The following CADM1 variants were observed in gnomAD, a reference collection of about 807,000 sequenced individuals.
CADM1 encodes TSLC-1.
CADM1 carries 15 observed loss-of-function variants against 53.1 expected under a neutral mutation model. The ratio of observed to expected loss-of-function variants is 0.28; its 90% confidence interval spans 0.19 to 0.44. CADM1 has a LOEUF of 0.44. Ranked by LOEUF, CADM1 falls within the 20% of genes least tolerant of loss-of-function variation. The pLI is 1.00. For missense variants in CADM1, 434 were observed against 611.3 expected, an observed-to-expected ratio of 0.71 and a Z score of 3.06; for synonymous variants, 281 against 243.0, an observed-to-expected ratio of 1.16 and a Z score of -1.45.
chr11:115,435,802 T>C (rs543402802), intron 1 of CADM1, among the ~76,000 whole-genome samples: 60 of 152,342 alleles, frequency 3.9e-4, no homozygotes, highest in African/African-American at 1.3e-3. Flanking sequence ...ATGGCTGTTT[T>C]TGCATTACAA....
rs1565349237 is a variant in CADM1, at chr11:115,295,530, A to AT, written c.125-55111dup. On this transcript the variant is annotated intron_variant, in intron 1 of 11. Transcript: ENST00000331581. ...TTTATATATATATATATATATATAT[A>AT]TATATATATATATATATATAATATA... 2.4e-3 allele frequency among the ~76,000 whole-genome samples: 217 copies of AT among 88,762 alleles called. 9 individuals are homozygous for AT. Among genetic ancestry groups the AT allele is most frequent in the Non-Finnish European group, 1.2e-3 (64 of 51,504 alleles). The allele number at this position is 88,762 out of a possible 152,430, so 58.2% of individuals were successfully genotyped here.
At chr11:115,308,211 T>TATATATATATATATATATATATAC (rs139012671) in intron 1 of CADM1, among the ~76,000 whole-genome samples, 7 of 139,416 alleles carry the variant, frequency 5.0e-5, no homozygotes, top group Admixed American at 1.4e-4. Flanking sequence ...TATATATATA[T>TATATATATATATATATATATATAC]ACACACCTAT....
intron 1 of CADM1, among the ~76,000 whole-genome samples, chr11:115,378,722 CATAA>C (rs1326226963): frequency 6.6e-6 from 1 of 152,054 alleles, no homozygotes; most frequent in African/African-American, 2.4e-5. Flanking sequence ...TTGCAGTGTC[CATAA>C]ATAAAGTTTT....
chr11:115,500,191 T>C (rs1949700874), intron 1 of CADM1, among the ~76,000 whole-genome samples: 1 of 152,246 alleles, frequency 6.6e-6, no homozygotes, highest in South Asian at 2.1e-4. Flanking sequence ...TTTGGATTTA[T>C]TTTGAATTTT....
intron 1 of CADM1, among the ~76,000 whole-genome samples, chr11:115,264,978 T>A (rs1212871381): frequency 6.6e-6 from 1 of 152,098 alleles, no homozygotes; most frequent in Non-Finnish European, 1.5e-5. Context: ...TATTTCTCCA[T>A]CTCTTTGGTG....
intron 1 of CADM1, among the ~76,000 whole-genome samples, chr11:115,327,369 G>A (rs1312465813): frequency 6.6e-6 from 1 of 152,162 alleles, no homozygotes; most frequent in Non-Finnish European, 1.5e-5. Flanking sequence ...CTTGCGGGAT[G>A]CTGCTCACTC....
chr11:115,473,365 G>A (rs1008688724), intron 1 of CADM1, among the ~76,000 whole-genome samples: 5 of 152,080 alleles, frequency 3.3e-5, no homozygotes, highest in African/African-American at 4.8e-5. Context: ...AGGCAAAGGC[G>A]GGAGGTTCAC....
intron 1 of CADM1, chr11:115,241,054 TCTGAAC>T (rs1332551386): frequency 1.3e-5 from 2 of 153,388 alleles, no homozygotes; most frequent in Non-Finnish European, 2.9e-5. Flanking sequence ...CCCAGGCATC[TCTGAAC>T]TGACACCCCT....
intron 1 of CADM1, among the ~76,000 whole-genome samples, chr11:115,376,032 T>C (rs920694309): frequency 1.3e-5 from 2 of 152,182 alleles, no homozygotes; most frequent in Non-Finnish European, 2.9e-5. Flanking sequence ...TCTTTCCAGA[T>C]AGCAAACTTG....
At chr11:115,500,834 T>A (rs1949711746) in intron 1 of CADM1, among the ~76,000 whole-genome samples, 1 of 152,172 alleles carries the variant, frequency 6.6e-6, no homozygotes, top group African/African-American at 2.4e-5. Context: ...CTTCTGGGAT[T>A]TTAGAGAGTG....
Position 115,176,454 on chromosome 11 carries a change from A to G in CADM1, c.*20T>C, listed in dbSNP as rs770626792. Reference sequence around the variant, plus strand: ...CTAAATAGGGCCAGTTGGACACCTCATTGAAACAAAAAGGCTGATCTAGAT... The same window carrying G: ...CTAAATAGGGCCAGTTGGACACCTCGTTGAAACAAAAAGGCTGATCTAGAT... On this transcript the variant is annotated 3_prime_UTR_variant, in exon 12 of 12. Coordinates refer to ENST00000331581, the MANE Select transcript of CADM1 (RefSeq NM_001301043.2). 1 of 1,613,472 alleles carries G rather than the reference A, an allele frequency of 6.2e-7. No individual in the cohort carries two copies. The highest frequency in any genetic ancestry group is 2.2e-5 in the East Asian group (1 of 44,856).
At chr11:115,182,800 G>A (rs752601167) in intron 10 of CADM1, among the ~76,000 whole-genome samples, 13 of 152,140 alleles carry the variant, frequency 8.5e-5, no homozygotes, top group Middle Eastern at 6.3e-3. Flanking sequence ...GTCCCATCCC[G>A]CAGCCACTTC....
At chr11:115,432,786 C>A (rs544934378) in intron 1 of CADM1, among the ~76,000 whole-genome samples, 1 of 152,160 alleles carries the variant, frequency 6.6e-6, no homozygotes, top group Non-Finnish European at 1.5e-5. Flanking sequence ...ACCCAGCTCA[C>A]GCATGACAAA....
At chr11:115,420,103 C>T (rs967538963) in intron 1 of CADM1, among the ~76,000 whole-genome samples, 1 of 152,128 alleles carries the variant, frequency 6.6e-6, no homozygotes, top group Non-Finnish European at 1.5e-5. Flanking sequence ...TTAGACTCTC[C>T]AGGCAAAAGC....
chr11:115,271,533 C>A (rs376180876), intron 1 of CADM1, among the ~76,000 whole-genome samples: 2 of 152,210 alleles, frequency 1.3e-5, no homozygotes, highest in African/African-American at 4.8e-5. Context: ...CCACCCGCCT[C>A]GGCCTCCCAA....
At chr11:115,336,991 C>T (rs1375469080) in intron 1 of CADM1, among the ~76,000 whole-genome samples, 1 of 152,080 alleles carries the variant, frequency 6.6e-6, no homozygotes, top group East Asian at 1.9e-4. Flanking sequence ...TTCAAAGATG[C>T]CATCTTCAAA....
chr11:115,242,467 T>G (rs1214729311), intron 1 of CADM1, among the ~76,000 whole-genome samples: 1 of 151,586 alleles, frequency 6.6e-6, no homozygotes, highest in African/African-American at 2.4e-5. Context: ...GAGAAGAAAA[T>G]TTCTACCAAT....
At chr11:115,199,176 C>T (rs1024907360) in intron 8 of CADM1, among the ~76,000 whole-genome samples, 2 of 152,098 alleles carry the variant, frequency 1.3e-5, no homozygotes, top group African/African-American at 4.8e-5. Context: ...GAGCAGAAGC[C>T]TTTAATGAAA....
At chr11:115,272,973 T>C (rs1943344622) in intron 1 of CADM1, among the ~76,000 whole-genome samples, 1 of 152,188 alleles carries the variant, frequency 6.6e-6, no homozygotes, top group South Asian at 2.1e-4. Context: ...CAACTTTAAC[T>C]TCTGCTCATT....
Sources: gnomAD v4.1 joint callset for allele counts (sites outside exome capture counted in the v4.1 genomes callset) on GRCh38, gnomAD v4.1.1 for gene constraint, MANE v1.5 for transcripts, NCBI Gene and HGNC (gene_info 2026-07-23, HGNC 2026-07-21) for gene names.